Variants in LAMA3 observed in about 807,000 individuals in gnomAD.
LAMA3 encodes the protein laminin subunit alpha-3.
A neutral mutation model predicts 402.0 loss-of-function variants in LAMA3; 281 were observed. The observed-to-expected ratio is 0.70, with a 90% CI of 0.63 to 0.77. The LOEUF is 0.77. Among genes scored for constraint, LAMA3 ranks in the 30% least tolerant of loss-of-function variants. The pLI is 0.00. For synonymous variants in LAMA3, 1,431 were observed against 1,558.4 expected (o/e 0.92, Z 1.93); for missense variants, 3,840 against 4,215.5 (o/e 0.91, Z 2.47).
At chr18:23,693,205 G>A (rs1006381909) in intron 1 of LAMA3, among the ~76,000 whole-genome samples, 4 of 152,086 alleles carry the variant, frequency 2.6e-5, no homozygotes, top group African/African-American at 7.2e-5. Flanking sequence ...TTAGCCGGGC[G>A]TGGTGGCAGG....
chr18:23,890,177 C>T (rs2080609917), intron 42 of LAMA3, 60 bp downstream of exon 42: 2 of 1,108,532 alleles, frequency 1.8e-6, no homozygotes, highest in Non-Finnish European at 1.4e-6. Flanking sequence ...ACTTAACAGC[C>T]TAAGAACCCA....
At position 23,918,829 on chromosome 18, in the gene LAMA3, C is replaced by T. The variant is rs558258513; in HGVS notation, c.7924-2106C>T. Among the ~76,000 whole-genome samples, 4 of 152,186 alleles carry T rather than the reference C, an allele frequency of 2.6e-5. No homozygotes were observed. The highest frequency in any genetic ancestry group is 2.1e-4 in the South Asian group (1 of 4,804). ...TTGGGATTTTACCAGAGTCTTCTAC[C>T]GCAGGGTGGTGACACTGACCCGGTC... On this transcript the variant is annotated intron_variant, in intron 60 of 74. Coordinates refer to ENST00000313654, the MANE Select transcript of LAMA3 (RefSeq NM_198129.4). The surrounding 1 kb of genome is among the most constrained non-coding windows in gnomAD (Gnocchi z 4.1).
intron 41 of LAMA3, among the ~76,000 whole-genome samples, chr18:23,887,696 G>T (rs781243939): frequency 2.0e-5 from 3 of 152,202 alleles, no homozygotes; most frequent in Non-Finnish European, 4.4e-5. Flanking sequence ...CAGGAATATA[G>T]ATTATGCAGG....
chr18:23,725,554 G>A (rs1484916723), intron 2 of LAMA3, among the ~76,000 whole-genome samples: 1 of 152,170 alleles, frequency 6.6e-6, no homozygotes, highest in Non-Finnish European at 1.5e-5. Flanking sequence ...GAGCTAAGGA[G>A]GTCTGGGGCT....
intron 8 of LAMA3, among the ~76,000 whole-genome samples, chr18:23,770,433 AG>A (rs1211293005): frequency 6.6e-6 from 1 of 152,128 alleles, no homozygotes; most frequent in Non-Finnish European, 1.5e-5. Flanking sequence ...ACTTGACAAA[AG>A]TAGATATATA....
At chr18:23,864,963 T>C (rs1201734658) in intron 36 of LAMA3, 80 bp downstream of exon 36, 27 of 871,864 alleles carry the variant, frequency 3.1e-5, no homozygotes, top group Non-Finnish European at 1.9e-6. Flanking sequence ...CATCTTGATA[T>C]GTGGCCTACA....
intron 74 of LAMA3, among the ~76,000 whole-genome samples, chr18:23,953,823 A>G (rs1315425555): frequency 6.6e-6 from 1 of 152,148 alleles, no homozygotes; most frequent in Non-Finnish European, 1.5e-5. Context: ...GCTGAAATGG[A>G]GTCAAGTTCA....
chr18:23,757,205 C>A (rs2061865318), intron 6 of LAMA3, among the ~76,000 whole-genome samples: 1 of 152,100 alleles, frequency 6.6e-6, no homozygotes, highest in African/African-American at 2.4e-5. Flanking sequence ...GCAACCCGAA[C>A]TTTCGGCAGG....
At chr18:23,813,639 G>T (rs2063120882) in intron 14 of LAMA3, among the ~76,000 whole-genome samples, 1 of 149,562 alleles carries the variant, frequency 6.7e-6, no homozygotes, top group Non-Finnish European at 1.5e-5. Context: ...CGCCTCCTGG[G>T]TCAAGCGATT....
At chr18:23,894,028 G>A (rs1179360111) in intron 42 of LAMA3, among the ~76,000 whole-genome samples, 1 of 152,166 alleles carries the variant, frequency 6.6e-6, no homozygotes, top group African/African-American at 2.4e-5. Context: ...CCTGCAGCGA[G>A]CCTGCTGGGA....
chr18:23,938,341 A>G (rs1370086399), intron 67 of LAMA3, among the ~76,000 whole-genome samples: 1 of 152,088 alleles, frequency 6.6e-6, no homozygotes, highest in Non-Finnish European at 1.5e-5. Context: ...GCGCATGGGC[A>G]TTTCAGAACT....
intron 7 of LAMA3, among the ~76,000 whole-genome samples, chr18:23,760,252 C>T (rs775008506): frequency 3.3e-5 from 5 of 151,912 alleles, no homozygotes; most frequent in Non-Finnish European, 7.4e-5. Context: ...TATCAGGATC[C>T]ATTTATTAGG....
In LAMA3 at chr18:23,920,917, A is replaced by C; in HGVS notation, c.7924-18A>C. 6.2e-7 allele frequency: 1 copy of C among 1,613,658 alleles called. No individual in the cohort carries two copies. Among genetic ancestry groups the C allele is most frequent in the Non-Finnish European group, 8.5e-7 (1 of 1,179,884 alleles). On this transcript the variant is annotated intron_variant, in intron 60 of 74. Transcript: ENST00000313654. The stretch of plus-strand genomic sequence containing the variant: ...TCAGCCAAGCCTTCTGGTCATCTGC[A>C]TTGTTCCTCTGTCCTAGGATCGCTT...
intron 2 of LAMA3, among the ~76,000 whole-genome samples, chr18:23,719,633 TGA>T (rs759343014): frequency 8.6e-5 from 13 of 151,996 alleles, no homozygotes; most frequent in Non-Finnish European, 1.6e-4. Context: ...TCCAATCATC[TGA>T]GAGTGAATTC....
At chr18:23,876,905 C>A (rs1262823916) in intron 39 of LAMA3, among the ~76,000 whole-genome samples, 1 of 152,172 alleles carries the variant, frequency 6.6e-6, no homozygotes, top group Non-Finnish European at 1.5e-5. Flanking sequence ...CCTGTAATCC[C>A]AGCTACTCAG....
intron 13 of LAMA3, among the ~76,000 whole-genome samples, chr18:23,812,296 C>T (rs1420427403): frequency 6.6e-6 from 1 of 152,118 alleles, no homozygotes; most frequent in Non-Finnish European, 1.5e-5. Context: ...GAGCTATGAT[C>T]GTGCCACTGC....
rs1473877191 is a variant in LAMA3, at chr18:23,692,334, CG to C, written c.294+2359del. Among the ~76,000 whole-genome samples the C allele has an allele frequency of 6.6e-5, 10 of 152,336 alleles. No homozygotes were observed. In the East Asian group the frequency reaches 1.9e-3, roughly 29 times the overall value. On this transcript the variant is annotated intron_variant, in intron 1 of 74. Coordinates refer to ENST00000313654, the MANE Select transcript of LAMA3 (RefSeq NM_198129.4). ...TCTCCCAGGTTGGAGTGCAGTGGCA[CG>C]GTCTCAGCTCACTGCAACCTCCGCC...
intron 44 of LAMA3, among the ~76,000 whole-genome samples, chr18:23,896,101 C>A (rs554415676): frequency 6.6e-6 from 1 of 152,012 alleles, no homozygotes; most frequent in East Asian, 1.9e-4. Context: ...TTTGGGAGGC[C>A]GAGGCGGGTA....
chr18:23,876,875 G>A (rs371544994), intron 39 of LAMA3, among the ~76,000 whole-genome samples: 1 of 152,168 alleles, frequency 6.6e-6, no homozygotes, highest in Non-Finnish European at 1.5e-5. Context: ...TCCAACATTA[G>A]CTGGGCATGG....
Sources: gnomAD v4.1 joint callset for allele counts (sites outside exome capture counted in the v4.1 genomes callset) on GRCh38, gnomAD v4.1.1 for gene constraint, Gnocchi (gnomAD v3.1) non-coding constraint, MANE v1.5 for transcripts, NCBI Gene and HGNC (gene_info 2026-07-23, HGNC 2026-07-21) for gene names.